BLOC1S2: variants seen among roughly 807,000 people sequenced by gnomAD.
The protein encoded by BLOC1S2 is biogenesis of lysosome-related organelles complex 1 subunit 2.
In BLOC1S2, 12 loss-of-function variants were observed where a neutral mutation model predicts 19.6. That is an observed-to-expected ratio of 0.61 (90% confidence interval 0.39 to 0.99). BLOC1S2 has a LOEUF of 0.99. Among genes scored for constraint, BLOC1S2 ranks in the 50% least tolerant of loss-of-function variants. The pLI, the probability that BLOC1S2 is intolerant of heterozygous loss-of-function variation, is 0.00. For synonymous variants in BLOC1S2, 66 were observed against 64.1 expected (o/e 1.03, Z -0.14); for missense variants, 142 against 171.0 (o/e 0.83, Z 0.95).
intron 4 of BLOC1S2, among the ~76,000 whole-genome samples, chr10:100,277,526 T>G (rs4917890): frequency 3.3e-5 from 2 of 60,016 alleles, no homozygotes; most frequent in Non-Finnish European, 6.7e-5. Flanking sequence ...GCCCCCCGCC[T>G]GGCCAGCTGT....
intron 4 of BLOC1S2, among the ~76,000 whole-genome samples, chr10:100,276,336 G>A (rs1437391249): frequency 0.02 from 798 of 39,416 alleles, 212 homozygotes; most frequent in Non-Finnish European, 0.032. Context: ...TCTCTCTCCC[G>A]TCTCCCTCTC....
intron 4 of BLOC1S2, among the ~76,000 whole-genome samples, chr10:100,278,176 T>G (rs370997960): frequency 4.3e-5 from 5 of 115,120 alleles, no homozygotes; most frequent in Non-Finnish European, 8.8e-5. Context: ...GTCAGCCCCC[T>G]ACCCGGCCAG....
intron 4 of BLOC1S2, among the ~76,000 whole-genome samples, chr10:100,278,008 T>G (rs1589648240): frequency 3.5e-5 from 3 of 84,550 alleles, no homozygotes; most frequent in Admixed American, 1.3e-4. Flanking sequence ...GGGAGGGAGG[T>G]GAGGGAATCA....
chr10:100,286,465 A>AAC, intron 1 of BLOC1S2, 140 bp downstream of exon 1: 1 of 1,487,052 alleles, frequency 6.7e-7, no homozygotes, highest in African/African-American at 1.4e-5. Context: ...TGACAGGACA[A>AAC]ACACTCGCGC....
intron 4 of BLOC1S2, among the ~76,000 whole-genome samples, chr10:100,278,810 A>T (rs891559254): frequency 1.1e-4 from 5 of 46,010 alleles, no homozygotes; most frequent in Non-Finnish European, 2.4e-4. Context: ...AATGATCAAT[A>T]AAAAAAAAAA....
chr10:100,275,146 T>C lies in BLOC1S2; in HGVS notation c.*316A>G, dbSNP rs78751060. 36 of 404,876 alleles carry C rather than the reference T, an allele frequency of 8.9e-5. No individual in the cohort carries two copies. Among genetic ancestry groups the C allele is most frequent in the African/African-American group, 6.6e-4 (32 of 48,750 alleles). 25.1% of individuals were successfully genotyped at this position (404,876 alleles called of 1,614,324 possible). ...AGTAATCAACCACTACCAGAGAAAA[T>C]AGGTCCTCTCATTTGATTTTACTGG... On this transcript the variant is annotated 3_prime_UTR_variant, in exon 5 of 5. Coordinates refer to ENST00000370372, the MANE Select transcript of BLOC1S2 (RefSeq NM_173809.5).
chr10:100,286,213 T>C lies in BLOC1S2; in HGVS notation c.56A>G (p.Asp19Gly). 6.2e-7 allele frequency: 1 copy of C among 1,613,862 alleles called. No homozygotes were observed. The highest frequency in any genetic ancestry group is 8.5e-7 in the Non-Finnish European group (1 of 1,179,870). Residue 19 changes from aspartate to glycine, a missense_variant and splice_region_variant, in exon 2 of 5, where the codon GAC (aspartate) becomes GGC (glycine). Asp to Gly is a moderately conservative substitution (Grantham distance 94, BLOSUM62 -1). Coordinates refer to ENST00000370372, the MANE Select transcript of BLOC1S2 (RefSeq NM_173809.5). ...LATRSDEPAR[D>G]DAAVETAEEA... is the part of the protein sequence containing the mutation. ...CTCAGCTGTCTCCACGGCGGCATCG[T>C]CTGGGCCAAGGGAGAATGACTAAGT...
chr10:100,282,081 C>G (rs1271603447), intron 2 of BLOC1S2, among the ~76,000 whole-genome samples: 1 of 152,144 alleles, frequency 6.6e-6, no homozygotes, highest in Non-Finnish European at 1.5e-5. Context: ...GGCCTTGAAC[C>G]CAAACACTTC....
chr10:100,283,093 A>G lies in BLOC1S2; in HGVS notation c.173-2040T>C, dbSNP rs532981838. The stretch of plus-strand genomic sequence containing the variant: ...AACCCAAAACTGAAAACATTTTCAC[A>G]CTAAACATGGTTCCTCTTTCCAGCT... On this transcript the variant is annotated intron_variant, in intron 2 of 4. Transcript: ENST00000370372. Among the ~76,000 whole-genome samples the G allele has an allele frequency of 3.3e-5, 5 of 152,304 alleles. No individual in the cohort carries two copies. In the South Asian group the frequency reaches 1.0e-3, roughly 32 times the overall value.
rs1324220018 is a variant in BLOC1S2 at position 100,281,020 on chromosome 10, A to G, written c.206T>C (p.Met69Thr). 11 of 1,613,796 alleles carry G rather than the reference A, an allele frequency of 6.8e-6. No individual in the cohort carries two copies. The highest frequency in any genetic ancestry group is 9.3e-6 in the Non-Finnish European group (11 of 1,179,884). The change falls in exon 3 of 5, where the codon ATG becomes ACG. Residue 69 changes from methionine (M) to threonine (T), a missense_variant. Transcript: ENST00000370372. ...TSEDYKLLEN[M>T]NKLTSLKYLE... ...ATACTTCAAGCTGGTGAGTTTATTC[A>G]TATTTTCCAGGAGCTTATAGTCTTC...
intron 2 of BLOC1S2, among the ~76,000 whole-genome samples, chr10:100,282,220 A>C (rs899147635): frequency 6.6e-6 from 1 of 152,196 alleles, no homozygotes; most frequent in Non-Finnish European, 1.5e-5. Flanking sequence ...CACTCTCTCT[A>C]TTCTGCTACA....
intron 4 of BLOC1S2, among the ~76,000 whole-genome samples, chr10:100,277,934 G>A (rs1847969207): frequency 9.8e-6 from 1 of 101,606 alleles, no homozygotes; most frequent in Non-Finnish European, 2.0e-5. Flanking sequence ...GGTGAGGGGC[G>A]CCTCTGCCCG....
At chr10:100,280,876 C>T (rs931287558) in intron 3 of BLOC1S2, 58 bp downstream of exon 3, 7 of 1,538,092 alleles carry the variant, frequency 4.6e-6, no homozygotes, top group Non-Finnish European at 6.1e-6. Flanking sequence ...TCTCCATGGC[C>T]CCAAGCACAA....
At chr10:100,285,543 G>T (rs1250165417) in intron 2 of BLOC1S2, among the ~76,000 whole-genome samples, 1 of 152,152 alleles carries the variant, frequency 6.6e-6, no homozygotes, top group East Asian at 1.9e-4. Flanking sequence ...ATGAGCCACC[G>T]CGCCCTGCCC....
intron 4 of BLOC1S2, among the ~76,000 whole-genome samples, chr10:100,275,956 ATCAAATAAGCCTCTTACTCTGACAT>A (rs1439635284): frequency 3.9e-4 from 60 of 152,338 alleles, no homozygotes; most frequent in African/African-American, 1.4e-3. Flanking sequence ...TTAAAAGGCC[ATCAAATAAGCCTCTTACTCTGACAT>A]TCCGTTTTTC....
At position 100,275,282 on chromosome 10, in the gene BLOC1S2, AAAG is replaced by A. The variant is rs1847822654; in HGVS notation, c.*177_*179del. ...GTGAGATTCTGAGGGATTCTGTCTC[AAAG>A]AAGGTTCAGGAATAGCCACAGTCCT... On this transcript the variant is annotated 3_prime_UTR_variant, in exon 5 of 5. Transcript: ENST00000370372. The A allele has an allele frequency of 2.0e-5, 11 of 559,098 alleles. No homozygotes were observed. In the South Asian group the frequency reaches 2.9e-4, roughly 15 times the overall value. 34.6% of individuals were successfully genotyped at this position (559,098 alleles called of 1,614,324 possible).
chr10:100,280,252 A>G (rs766737182), intron 3 of BLOC1S2, 24 bp from the exon 4 acceptor site: 4 of 1,559,452 alleles, frequency 2.6e-6, no homozygotes, highest in Non-Finnish European at 3.5e-6. Flanking sequence ...GAAAAACTTC[A>G]TGTTTATATG....
At chr10:100,280,004 G>C in intron 4 of BLOC1S2, 120 bp downstream of exon 4, 1 of 541,624 alleles carries the variant, frequency 1.8e-6, no homozygotes, top group Non-Finnish European at 3.1e-6. Flanking sequence ...AATTACTAAG[G>C]TTTTGTGAAG....
Position 100,275,377 on chromosome 10 carries a change from C to T in BLOC1S2, c.*85G>A. ...ATAATTTCCTTTTGAGGAATTTTCA[C>T]AATTCATCAGCCTCAGGATTCAGGT... is the stretch of plus-strand genomic sequence containing the variant. On this transcript the variant is annotated 3_prime_UTR_variant, in exon 5 of 5. Transcript: ENST00000370372. 1.5e-6 allele frequency: 2 copies of T among 1,372,264 alleles called. No homozygotes were observed. The highest frequency in any genetic ancestry group is 2.3e-5 in the East Asian group (1 of 42,886). The allele number at this position is 1,372,264 out of a possible 1,614,324, so 85.0% of individuals were successfully genotyped here.
Sources: gnomAD v4.1 joint callset for allele counts (sites outside exome capture counted in the v4.1 genomes callset) on GRCh38, gnomAD v4.1.1 for gene constraint, MANE v1.5 for transcripts, NCBI Gene and HGNC (gene_info 2026-07-23, HGNC 2026-07-21) for gene names.